The following PODXL2 variants were observed in gnomAD, a reference collection of about 807,000 sequenced individuals.
The protein encoded by PODXL2 is podocalyxin like 2, also known as podocalyxin-like protein 2.
In PODXL2, 17 loss-of-function variants were observed where a neutral mutation model predicts 53.4. The observed-to-expected ratio is 0.32, with a 90% CI of 0.22 to 0.48. The LOEUF (loss-of-function observed/expected upper bound fraction) is 0.48. PODXL2 is among the 20% of genes least tolerant of loss of function. The pLI is 0.99. For missense variants in PODXL2, 673 were observed against 760.0 expected, an observed-to-expected ratio of 0.89 and a Z score of 1.35; for synonymous variants, 311 against 306.7, an observed-to-expected ratio of 1.01 and a Z score of -0.15.
intron 2 of PODXL2, among the ~76,000 whole-genome samples, chr3:127,643,385 T>A (rs907667506): frequency 3.9e-5 from 6 of 151,938 alleles, no homozygotes; most frequent in Admixed American, 2.6e-4. Context: ...TAATTTTGTA[T>A]TTTTAGTAGA....
chr3:127,662,695 G>A (rs910824254), intron 4 of PODXL2, among the ~76,000 whole-genome samples: 4 of 152,174 alleles, frequency 2.6e-5, no homozygotes, highest in South Asian at 4.1e-4. Context: ...CATGTCTGGT[G>A]GAGTTTGTTC....
intron 2 of PODXL2, among the ~76,000 whole-genome samples, chr3:127,659,428 A>T (rs942551977): frequency 2.0e-5 from 3 of 152,184 alleles, no homozygotes; most frequent in Admixed American, 6.5e-5. Flanking sequence ...GGAGGAGGTA[A>T]ATGAATACCT....
intron 2 of PODXL2, among the ~76,000 whole-genome samples, chr3:127,653,089 T>C (rs2074699144): frequency 6.6e-6 from 1 of 152,200 alleles, no homozygotes; most frequent in African/African-American, 2.4e-5. Context: ...TTGATCCTTT[T>C]TCACCTCCAA....
In PODXL2 at chr3:127,629,309, G is replaced by C; in HGVS notation, c.70+20G>C. On this transcript the variant is annotated intron_variant, in intron 1 of 7. Transcript: ENST00000342480. This position sits in a 1 kb window ranked among gnomAD's most constrained non-coding sequence, Gnocchi z 6.4. ...TTGGGGGTGAGTGCGCTCCGGGCCC[G>C]AGCGCGGGAGGGCGGGCGGCGGCGT... 1 of 1,014,988 alleles carries C rather than the reference G, an allele frequency of 9.9e-7. No individual in the cohort carries two copies. The highest frequency in any genetic ancestry group is 1.2e-6 in the Non-Finnish European group (1 of 849,678). The allele number at this position is 1,014,988 out of a possible 1,614,324, so 62.9% of individuals were successfully genotyped here.
intron 4 of PODXL2, 76 bp downstream of exon 4, chr3:127,662,387 G>C: frequency 4.2e-6 from 5 of 1,198,842 alleles, no homozygotes; most frequent in Non-Finnish European, 6.0e-6. Context: ...GGGCAGGCTG[G>C]GGGGACAAGC....
intron 2 of PODXL2, among the ~76,000 whole-genome samples, chr3:127,641,847 A>C (rs373389682): frequency 6.6e-6 from 1 of 152,094 alleles, no homozygotes. Flanking sequence ...ATATTTCATC[A>C]TGTGGGTCAT....
At chr3:127,643,384 A>G (rs983512142) in intron 2 of PODXL2, among the ~76,000 whole-genome samples, 1 of 151,416 alleles carries the variant, frequency 6.6e-6, no homozygotes, top group Non-Finnish European at 1.5e-5. Flanking sequence ...CTAATTTTGT[A>G]TTTTTAGTAG....
At chr3:127,640,471 C>T (rs935250648) in intron 2 of PODXL2, among the ~76,000 whole-genome samples, 2 of 151,992 alleles carry the variant, frequency 1.3e-5, no homozygotes, top group African/African-American at 2.4e-5. Context: ...GAGGCTGAGG[C>T]GGGTGGATCA....
intron 2 of PODXL2, among the ~76,000 whole-genome samples, chr3:127,656,633 G>T (rs577278294): frequency 4.5e-4 from 67 of 150,128 alleles, no homozygotes; most frequent in African/African-American, 1.6e-3. Flanking sequence ...TACTCAGGAG[G>T]CTGAGGCAGG....
In PODXL2 at chr3:127,671,589, C is replaced by G. The variant is rs149097163; in HGVS notation, c.1581C>G (p.Arg527=). 10 of 1,613,780 alleles carry G rather than the reference C, an allele frequency of 6.2e-6. No individual in the cohort carries two copies. The highest frequency in any genetic ancestry group is 3.4e-6 in the Non-Finnish European group (4 of 1,180,002). ...ALGLLYNCWQ[R]RLPKLKHVSH... ...GCCTGCTCTACAACTGCTGGCAGCG[C>G]CGGCTGCCCAAGCTCAAGCACGTGG... The change falls in exon 7 of 8, where the codon CGC becomes CGG. Residue 527 remains arginine (R), a synonymous_variant. Transcript: ENST00000342480.
At chr3:127,641,449 T>C (rs2074619683) in intron 2 of PODXL2, among the ~76,000 whole-genome samples, 1 of 151,986 alleles carries the variant, frequency 6.6e-6, no homozygotes, top group Non-Finnish European at 1.5e-5. Flanking sequence ...GCTCAAGCGA[T>C]CCTCCTCCCT....
In PODXL2 at chr3:127,671,415, T is replaced by C. The variant is rs2074836203; in HGVS notation, c.1426-19T>C. ...ACCCCAGGACCTCAGCTGAGGAAACTGGCCCCTCCCACCCCTAGATTGGCA... is the reference window on the plus strand; with the variant it reads ...ACCCCAGGACCTCAGCTGAGGAAACCGGCCCCTCCCACCCCTAGATTGGCA... On this transcript the variant is annotated intron_variant, in intron 6 of 7. Coordinates refer to ENST00000342480, the MANE Select transcript of PODXL2 (RefSeq NM_015720.4). 3.7e-6 allele frequency: 6 copies of C among 1,610,264 alleles called. No individual in the cohort carries two copies. In the East Asian group the frequency reaches 8.9e-5, roughly 24 times the overall value.
rs1461312010 is a variant in PODXL2 at position 127,629,267 on chromosome 3, G to A, written c.48G>A (p.Pro16=). ...CCCGGCTGCCGCCGCTGCTTTCGCC[G>A]CTGCTGCTTCTGCTGGTTGGGGGTG... ...RAARLPPLLS[P]LLLLLVGGAF... The change falls in exon 1 of 8, where the codon CCG becomes CCA. Residue 16 remains proline, a synonymous_variant. Transcript: ENST00000342480. This position sits in a 1 kb window ranked among gnomAD's most constrained non-coding sequence, Gnocchi z 6.4. 16 of 1,015,440 alleles carry A rather than the reference G, an allele frequency of 1.6e-5. No individual in the cohort carries two copies. The highest frequency in any genetic ancestry group is 6.0e-5 in the Admixed American group (1 of 16,794). 62.9% of individuals were successfully genotyped at this position (1,015,440 alleles called of 1,614,324 possible). A position where few individuals can be genotyped will look rare whatever the true frequency, so the allele number is the denominator to read the frequency against.
Position 127,629,522 on chromosome 3 carries a change from C to G in PODXL2, c.70+233C>G, listed in dbSNP as rs1226143700. ...CCCCGACAAAGGCGCGGCGGTGAAG[C>G]TGGGACACAGCACCGTGGCCCCCAC... On this transcript the variant is annotated intron_variant, in intron 1 of 7. Coordinates refer to ENST00000342480, the MANE Select transcript of PODXL2 (RefSeq NM_015720.4). This position sits in a 1 kb window ranked among gnomAD's most constrained non-coding sequence, Gnocchi z 6.4. Among the ~76,000 whole-genome samples the G allele has an allele frequency of 6.6e-6, 1 of 151,082 alleles. No individual in the cohort carries two copies. Among genetic ancestry groups the G allele is most frequent in the Non-Finnish European group, 1.5e-5 (1 of 67,694 alleles).
At chr3:127,660,062 T>C (rs1237888692) in intron 2 of PODXL2, among the ~76,000 whole-genome samples, 1 of 152,216 alleles carries the variant, frequency 6.6e-6, no homozygotes, top group Non-Finnish European at 1.5e-5. Context: ...GCAAGCACAT[T>C]ACAAACACAG....
At chr3:127,648,787 C>CTTTTTT (rs988325770) in intron 2 of PODXL2, among the ~76,000 whole-genome samples, 30 of 97,848 alleles carry the variant, frequency 3.1e-4, no homozygotes, top group Non-Finnish European at 5.0e-4. Flanking sequence ...TTTTGTATTT[C>CTTTTTT]TTTTTTTTTT....
chr3:127,643,475 G>A (rs2074634027), intron 2 of PODXL2, among the ~76,000 whole-genome samples: 1 of 152,108 alleles, frequency 6.6e-6, no homozygotes, highest in African/African-American at 2.4e-5. Context: ...CTCTCAAAGT[G>A]TTGGGATTAC....
intron 2 of PODXL2, among the ~76,000 whole-genome samples, chr3:127,640,851 T>G (rs753916423): frequency 6.6e-6 from 1 of 152,248 alleles, no homozygotes; most frequent in Non-Finnish European, 1.5e-5. Context: ...ACTCAAAATA[T>G]TTCATAAGTA....
chr3:127,653,848 C>T (rs1378745354), intron 2 of PODXL2, among the ~76,000 whole-genome samples: 1 of 152,182 alleles, frequency 6.6e-6, no homozygotes, highest in African/African-American at 2.4e-5. Flanking sequence ...TATGGAGATG[C>T]AGATCTGTAC....
Sources: allele counts gnomAD v4.1 joint callset (sites outside exome capture counted in the v4.1 genomes callset), GRCh38; gene constraint gnomAD v4.1.1; non-coding constraint Gnocchi (gnomAD v3.1); transcripts MANE v1.5; gene names NCBI Gene and HGNC (gene_info 2026-07-23, HGNC 2026-07-21).